CFI: variants seen among roughly 807,000 people sequenced by gnomAD.
The protein encoded by CFI is complement factor I, also known as C3B/C4B inactivator.
Under a neutral mutation model 78.8 loss-of-function variants are expected in CFI, and 66 were observed. The ratio of observed to expected loss-of-function variants is 0.84; its 90% CI spans 0.69 to 1.03. The LOEUF (loss-of-function observed/expected upper bound fraction) is 1.03, where lower values mean the gene tolerates loss of function less well. CFI is among the 50% of genes least tolerant of loss of function. The pLI is 0.00. For missense variants in CFI, 706 were observed against 704.5 expected, an observed-to-expected ratio of 1.00 and a Z score of -0.02; for synonymous variants, 250 against 232.6, an observed-to-expected ratio of 1.07 and a Z score of -0.68.
intron 1 of CFI, among the ~76,000 whole-genome samples, chr4:109,768,012 C>T (rs1436903723): frequency 2.0e-5 from 3 of 151,524 alleles, no homozygotes; most frequent in Non-Finnish European, 2.9e-5. Flanking sequence ...AACCATCATT[C>T]TCAGCAAACT....
At chr4:109,778,941 G>A (rs1729636529) in intron 1 of CFI, among the ~76,000 whole-genome samples, 1 of 152,102 alleles carries the variant, frequency 6.6e-6, no homozygotes, top group Non-Finnish European at 1.5e-5. Context: ...AGCCCTTCAT[G>A]ATAAAAACTC....
In CFI at chr4:109,756,927, AAGAAAGAAAG is replaced by A. The variant is rs1312704621; in HGVS notation, c.904+826_904+835del. 1.1e-3 allele frequency among the ~76,000 whole-genome samples: 160 copies of A among 148,380 alleles called. 2 individuals are homozygous for A. Among genetic ancestry groups the A allele is most frequent in the Non-Finnish European group, 2.0e-3 (131 of 66,910 alleles). On this transcript the variant is annotated intron_variant, in intron 7 of 12. Transcript: ENST00000394634. ...AAAGAAAGAAAGAAAGAAAGAAAGA[AAGAAAGAAAG>A]AAAGAAAGAAAGAAAGAAAGAAAGA...
chr4:109,762,189 T>TAA lies in CFI; in HGVS notation c.483-499_483-498dup, dbSNP rs10634105. 337 of 115,286 alleles carry TAA rather than the reference T, an allele frequency of 2.9e-3. 9 individuals are homozygous for TAA. Among genetic ancestry groups the TAA allele is most frequent in the African/African-American group, 1.0e-2 (283 of 28,388 alleles). The allele number at this position is 115,286 out of a possible 1,614,324, so 7.1% of individuals were successfully genotyped here. A position where few individuals can be genotyped will look rare whatever the true frequency, so the allele number is the denominator to read the frequency against. On this transcript the variant is annotated intron_variant, in intron 3 of 12. Coordinates refer to ENST00000394634, the MANE Select transcript of CFI (RefSeq NM_000204.5). ...CTGGGCAACAGAGTGAGACTCTGTC[T>TAA]AAAAAAAAAAAAAAAAAAAATTTCC...
At chr4:109,752,327 G>A in intron 8 of CFI, 141 bp downstream of exon 8, 1 of 711,004 alleles carries the variant, frequency 1.4e-6, no homozygotes, top group Non-Finnish European at 2.4e-6. Flanking sequence ...ACAGAGAAAG[G>A]AGAATAATAA....
At chr4:109,794,779 C>G (rs1312453686) in intron 1 of CFI, among the ~76,000 whole-genome samples, 3 of 152,070 alleles carry the variant, frequency 2.0e-5, no homozygotes, top group Non-Finnish European at 4.4e-5. Context: ...GGTGACAGAG[C>G]AAGACTCTGT....
chr4:109,762,949 C>G (rs974753834), intron 3 of CFI, among the ~76,000 whole-genome samples: 2 of 152,196 alleles, frequency 1.3e-5, no homozygotes, highest in South Asian at 4.1e-4. Context: ...GTAGGTTGAA[C>G]CATAAGTTGT....
intron 1 of CFI, chr4:109,794,516 T>A (rs2125869775): frequency 6.6e-6 from 1 of 152,298 alleles, no homozygotes; most frequent in East Asian, 1.9e-4. Flanking sequence ...TGTTGGCCAG[T>A]CACGGTGGCT....
chr4:109,790,980 G>A (rs796772922), intron 1 of CFI, among the ~76,000 whole-genome samples: 10 of 152,274 alleles, frequency 6.6e-5, no homozygotes, highest in African/African-American at 2.4e-4. Flanking sequence ...GGGATTGCTG[G>A]GTTGAATGGA....
intron 1 of CFI, among the ~76,000 whole-genome samples, chr4:109,768,954 A>T (rs1728213263): frequency 6.6e-6 from 1 of 152,182 alleles, no homozygotes; most frequent in Non-Finnish European, 1.5e-5. Flanking sequence ...TGACACAGTG[A>T]TCTAGAATGA....
chr4:109,799,034 C>G (rs1732421939), intron 1 of CFI, among the ~76,000 whole-genome samples: 2 of 152,216 alleles, frequency 1.3e-5, no homozygotes, highest in South Asian at 4.2e-4. Flanking sequence ...CATACTTGCA[C>G]TGAACTTAGA....
At chr4:109,757,428 GA>G (rs1272635479) in intron 7 of CFI, among the ~76,000 whole-genome samples, 1 of 152,176 alleles carries the variant, frequency 6.6e-6, no homozygotes, top group Non-Finnish European at 1.5e-5. Flanking sequence ...TGCCTATCAT[GA>G]AAAGATGTTA....
the CFI span, among the ~76,000 whole-genome samples, chr4:109,734,395 C>T: frequency 6.6e-6 from 1 of 152,006 alleles, no homozygotes; most frequent in African/African-American, 2.4e-5. Context: ...AGGTGAGGGC[C>T]GGATATTGAC....
chr4:109,750,916 A>G (rs1157449817), intron 8 of CFI, among the ~76,000 whole-genome samples: 1 of 152,170 alleles, frequency 6.6e-6, no homozygotes, highest in Non-Finnish European at 1.5e-5. Flanking sequence ...TATTCCTTGT[A>G]TAAGAGCATG....
At chr4:109,740,563 A>T (rs1162550910), downstream of CFI, 1 of 358,468 alleles carries the variant, frequency 2.8e-6, no homozygotes, top group African/African-American at 2.1e-5. Context: ...TCCAGGGCAT[A>T]GTAGGTGATA....
chr4:109,745,142 A>T (rs1724256286), intron 11 of CFI, among the ~76,000 whole-genome samples: 1 of 152,194 alleles, frequency 6.6e-6, no homozygotes, highest in African/African-American at 2.4e-5. Context: ...AGATGTTGAA[A>T]GGAAGCTAAA....
chr4:109,765,827 T>C (rs1727666012), intron 2 of CFI, among the ~76,000 whole-genome samples: 1 of 151,762 alleles, frequency 6.6e-6, no homozygotes, highest in Non-Finnish European at 1.5e-5. Context: ...TGAAAGAAAT[T>C]ATTGGGGTAG....
chr4:109,735,944 C>T (rs1398976080), downstream of CFI, among the ~76,000 whole-genome samples: 2 of 152,236 alleles, frequency 1.3e-5, no homozygotes, highest in Admixed American at 6.5e-5. Flanking sequence ...CTCAGGATTA[C>T]ACATGACCGT....
chr4:109,755,829 T>G (rs1456567480), intron 7 of CFI, among the ~76,000 whole-genome samples: 1 of 152,124 alleles, frequency 6.6e-6, no homozygotes, highest in Non-Finnish European at 1.5e-5. Context: ...CCACACATAC[T>G]TAAGGAGAGG....
chr4:109,778,729 T>C (rs982436467), intron 1 of CFI, among the ~76,000 whole-genome samples: 13 of 152,214 alleles, frequency 8.5e-5, no homozygotes, highest in African/African-American at 2.7e-4. Context: ...GCAAAAATCC[T>C]CAATAAAATA....
Sources: allele counts gnomAD v4.1 joint callset (sites outside exome capture counted in the v4.1 genomes callset), GRCh38; gene constraint gnomAD v4.1.1; transcripts MANE v1.5; gene names NCBI Gene and HGNC (gene_info 2026-07-23, HGNC 2026-07-21).